MAPK8IP3: variants seen among roughly 807,000 people sequenced by gnomAD.
MAPK8IP3 encodes C-Jun-amino-terminal kinase-interacting protein 3.
Under a neutral mutation model 157.8 loss-of-function variants are expected in MAPK8IP3, and 49 were observed. The observed-to-expected ratio is 0.31, with a 90% CI of 0.25 to 0.39. The LOEUF is 0.39. MAPK8IP3 is among the 10% of genes least tolerant of loss of function. The pLI, the probability that MAPK8IP3 is intolerant of heterozygous loss-of-function variation, is 1.00. For missense variants in MAPK8IP3, 1,478 were observed against 1,889.4 expected (o/e 0.78, Z 4.04); for synonymous variants, 897 against 777.7 (o/e 1.15, Z -2.55).
rs1014812046 is a variant in MAPK8IP3 at position 1,770,333 on chromosome 16, G to A, written c.*1509G>A. 1.9e-5 allele frequency: 6 copies of A among 322,486 alleles called. No individual in the cohort carries two copies. Among genetic ancestry groups the A allele is most frequent in the Admixed American group, 4.6e-5 (1 of 21,758 alleles). 20.0% of individuals were successfully genotyped at this position (322,486 alleles called of 1,614,324 possible). A position where few individuals can be genotyped will look rare whatever the true frequency, so the allele number is the denominator to read the frequency against. On this transcript the variant is annotated 3_prime_UTR_variant, in exon 32 of 32. Transcript: ENST00000610761. Reference sequence around the variant, plus strand: ...TAACGTCGTAGCTGCCTGTTCCTGGGCCCAAATCGAAACGAAAACGAGGAC... The same window carrying A: ...TAACGTCGTAGCTGCCTGTTCCTGGACCCAAATCGAAACGAAAACGAGGAC...
intron 8 of MAPK8IP3, among the ~76,000 whole-genome samples, chr16:1,749,490 G>A (rs559586473): frequency 8.6e-5 from 13 of 151,734 alleles, no homozygotes; most frequent in South Asian, 2.1e-4. Flanking sequence ...TCACCTCAGC[G>A]CCACAGGTCT....
chr16:1,759,094 T>C (rs1359259803), intron 10 of MAPK8IP3, 99 bp downstream of exon 10: 11 of 1,518,344 alleles, frequency 7.2e-6, no homozygotes, highest in Non-Finnish European at 9.1e-6. Flanking sequence ...ATGGGGACAG[T>C]GTTGGGGCCG....
intron 1 of MAPK8IP3, among the ~76,000 whole-genome samples, chr16:1,719,687 A>AAC (rs1555443526): frequency 6.7e-6 from 1 of 150,244 alleles, no homozygotes; most frequent in African/African-American, 2.5e-5. Flanking sequence ...AAAAAAAAAA[A>AAC]CCACAAAAAT....
intron 1 of MAPK8IP3, chr16:1,714,185 C>T (rs919080126): frequency 3.9e-5 from 6 of 152,330 alleles, no homozygotes; most frequent in African/African-American, 1.4e-4. Flanking sequence ...TGTCCATCCG[C>T]CTGCCTGCAG....
chr16:1,731,359 G>A (rs1167888804), intron 4 of MAPK8IP3, among the ~76,000 whole-genome samples: 3 of 152,196 alleles, frequency 2.0e-5, no homozygotes, highest in African/African-American at 7.2e-5. Context: ...AGTACTCAGA[G>A]CACTTAACAG....
intron 6 of MAPK8IP3, among the ~76,000 whole-genome samples, chr16:1,747,891 G>A (rs1178986954): frequency 2.0e-5 from 3 of 152,050 alleles, no homozygotes; most frequent in Non-Finnish European, 2.9e-5. Flanking sequence ...AACCTGCGTT[G>A]CCCCACGGCA....
intron 8 of MAPK8IP3, chr16:1,752,502 G>A (rs1369991168): frequency 2.7e-6 from 1 of 363,704 alleles, no homozygotes; most frequent in Admixed American, 3.3e-5. Context: ...CAGAGCTTTG[G>A]GAGGCCAGGG....
At chr16:1,736,122 G>A (rs1310147354) in intron 4 of MAPK8IP3, among the ~76,000 whole-genome samples, 5 of 134,790 alleles carry the variant, frequency 3.7e-5, no homozygotes, top group Non-Finnish European at 7.9e-5. Flanking sequence ...GACCGTCCGT[G>A]TGTGTGACCA....
intron 4 of MAPK8IP3, among the ~76,000 whole-genome samples, chr16:1,731,714 G>A (rs940539056): frequency 3.9e-5 from 6 of 152,148 alleles, no homozygotes; most frequent in Admixed American, 3.3e-4. Flanking sequence ...CCTCCTTTTC[G>A]TTTTTGTAAA....
chr16:1,729,071 ACAACCCAAG>A (rs945575466), intron 2 of MAPK8IP3, 58 bp from the exon 3 acceptor site: 1 of 1,469,364 alleles, frequency 6.8e-7, no homozygotes, highest in African/African-American at 1.4e-5. Context: ...CTCTGTGGTT[ACAACCCAAG>A]AGTTCAGGGC....
chr16:1,738,479 C>A (rs576790309), intron 4 of MAPK8IP3, among the ~76,000 whole-genome samples: 1 of 77,512 alleles, frequency 1.3e-5, no homozygotes, highest in Non-Finnish European at 2.4e-5. Flanking sequence ...TGTGAGCATC[C>A]GTGTGAGCGT....
intron 5 of MAPK8IP3, chr16:1,744,430 G>A (rs373549238): frequency 1.4e-5 from 14 of 985,800 alleles, no homozygotes; most frequent in Admixed American, 6.1e-5. Context: ...CTCCTGCTCC[G>A]TCAGCCCACC....
At chr16:1,713,193 A>T (rs181319760) in intron 1 of MAPK8IP3, among the ~76,000 whole-genome samples, 644 of 152,306 alleles carry the variant, frequency 4.2e-3, no homozygotes, top group Non-Finnish European at 5.6e-3. Context: ...TGCTGGCCAC[A>T]TAGGGCCGTT....
intron 5 of MAPK8IP3, chr16:1,746,587 G>C (rs2141859314): frequency 5.0e-6 from 1 of 198,768 alleles, no homozygotes; most frequent in Non-Finnish European, 1.0e-5. Context: ...CTTCAGCACA[G>C]TGATGGTGAC....
rs375772245 is a variant in MAPK8IP3 at position 1,768,368 on chromosome 16, C to G, written c.3732C>G (p.Val1244=). The G allele has an allele frequency of 5.0e-6, 8 of 1,600,844 alleles. No homozygotes were observed. The highest frequency in any genetic ancestry group is 1.3e-5 in the African/African-American group (1 of 74,924). Residue 1244 remains valine, a synonymous_variant, in exon 30 of 32, where the codon GTC becomes GTG. Transcript: ENST00000610761. ...HGHRDAVKFF[V]SVPGNVLATL... ...ACCGCGATGCCGTGAAGTTCTTTGT[C>G]TCGGTGCCAGGTGAGGCTGGGCCCC...
Position 1,761,304 on chromosome 16 carries a change from C to G in MAPK8IP3, c.1538C>G (p.Ser513Trp). 1 of 1,613,042 alleles carries G rather than the reference C, an allele frequency of 6.2e-7. No individual in the cohort carries two copies. Among genetic ancestry groups the G allele is most frequent in the Non-Finnish European group, 8.5e-7 (1 of 1,179,834 alleles). Residue 513 changes from serine (S) to tryptophan (W), a missense_variant and splice_region_variant, in exon 13 of 32, where the codon TCG becomes TGG. By Grantham distance (177) the Ser-to-Trp change is radical. Around this residue, in one of 11 missense-constraint regions of MAPK8IP3, gnomAD observed 96 missense variants for 106.3 expected, o/e 0.90. Coordinates refer to ENST00000610761, the MANE Select transcript of MAPK8IP3 (RefSeq NM_001318852.2). Reference sequence around the variant, plus strand: ...GTAAGCAGCTATCTCTGTACAGAATCGGTACATCCACTCTTCACTCTTCAC... The same window carrying G: ...GTAAGCAGCTATCTCTGTACAGAATGGGTACATCCACTCTTCACTCTTCAC... ...EDVSSYLCTESDKIPMAQRRR... is the reference protein window; with the variant it reads ...EDVSSYLCTEWDKIPMAQRRR...
rs538478666 is a variant in MAPK8IP3 at position 1,765,946 on chromosome 16, G to C, written c.2447-14G>C. 6.2e-7 allele frequency: 1 copy of C among 1,604,104 alleles called. No individual in the cohort carries two copies. The highest frequency in any genetic ancestry group is 8.5e-7 in the Non-Finnish European group (1 of 1,174,840). Reference sequence around the variant, plus strand: ...GTTCCCCCGCACAGGCTGACGGGCCGTCCCTCTCCCCAGCGGCCAGCGACA... The same window carrying C: ...GTTCCCCCGCACAGGCTGACGGGCCCTCCCTCTCCCCAGCGGCCAGCGACA... On this transcript the variant is annotated splice_polypyrimidine_tract_variant and intron_variant, in intron 20 of 31. Transcript: ENST00000610761.
chr16:1,723,330 C>A (rs1429793893), intron 1 of MAPK8IP3, among the ~76,000 whole-genome samples: 1 of 152,096 alleles, frequency 6.6e-6, no homozygotes, highest in East Asian at 1.9e-4. Context: ...TCGCTTGAAC[C>A]CGGGAGGCAG....
intron 17 of MAPK8IP3, 158 bp downstream of exon 17, chr16:1,763,941 T>C (rs1302492133): frequency 9.5e-7 from 1 of 1,057,008 alleles, no homozygotes; most frequent in Non-Finnish European, 1.3e-6. Context: ...GTGAGCCTCC[T>C]GGGCAGGGGT....
Sources: allele counts gnomAD v4.1 joint callset (sites outside exome capture counted in the v4.1 genomes callset), GRCh38; gene constraint gnomAD v4.1.1; regional missense constraint gnomAD v4.1.1; transcripts MANE v1.5; gene names NCBI Gene and HGNC (gene_info 2026-07-23, HGNC 2026-07-21).